The following HOMER2 variants were observed in gnomAD, a reference collection of about 807,000 sequenced individuals.
HOMER2 encodes homer protein homolog 2.
Under a neutral mutation model 47.0 loss-of-function variants are expected in HOMER2, and 27 were observed. That is an observed-to-expected ratio of 0.57 (90% CI 0.42 to 0.79). HOMER2 has a LOEUF of 0.79. Ranked by LOEUF, HOMER2 falls within the 30% of genes least tolerant of loss-of-function variation. HOMER2 has a pLI of 0.00. For synonymous variants in HOMER2, 161 were observed against 163.8 expected (o/e 0.98, Z 0.13); for missense variants, 443 against 435.0 (o/e 1.02, Z -0.16).
chr15:82,867,454 T>C (rs2052011289), intron 3 of HOMER2, among the ~76,000 whole-genome samples: 1 of 151,800 alleles, frequency 6.6e-6, no homozygotes, highest in Non-Finnish European at 1.5e-5. Flanking sequence ...AAAGGGCTAT[T>C]TTCTTTAGTA....
chr15:82,970,091 T>C (rs1387140726), intron 1 of HOMER2, among the ~76,000 whole-genome samples: 1 of 152,234 alleles, frequency 6.6e-6, no homozygotes, highest in East Asian at 1.9e-4. Flanking sequence ...AAAGGCTCCA[T>C]CCAGCTTATA....
At chr15:82,977,493 A>T (rs2030246197) in intron 1 of HOMER2, among the ~76,000 whole-genome samples, 1 of 152,232 alleles carries the variant, frequency 6.6e-6, no homozygotes, top group Admixed American at 6.5e-5. Context: ...AAACTTTTAG[A>T]TTACGTCACA....
At chr15:82,976,826 G>A (rs1417308746) in intron 1 of HOMER2, among the ~76,000 whole-genome samples, 4 of 151,408 alleles carry the variant, frequency 2.6e-5, no homozygotes, top group Non-Finnish European at 5.9e-5. Flanking sequence ...ACAGGCATGC[G>A]CCACCATGCC....
At chr15:82,930,561 A>G (rs1186055207) in intron 1 of HOMER2, among the ~76,000 whole-genome samples, 1 of 152,242 alleles carries the variant, frequency 6.6e-6, no homozygotes, top group Non-Finnish European at 1.5e-5. Context: ...CACCAAGTGT[A>G]CAGAGAAACC....
At chr15:82,836,510 T>C (rs4779069), downstream of HOMER2, among the ~76,000 whole-genome samples, 13,129 of 152,268 alleles carry the variant, frequency 0.086, 893 homozygotes, top group East Asian at 0.4. Context: ...CCCTGCACCC[T>C]TCATGTCCTG....
intron 1 of HOMER2, among the ~76,000 whole-genome samples, chr15:82,930,959 G>A (rs931430269): frequency 8.5e-5 from 13 of 152,136 alleles, no homozygotes; most frequent in Admixed American, 6.5e-4. Flanking sequence ...CCCGGGAGGC[G>A]GAGGTTGCAG....
intron 2 of HOMER2, among the ~76,000 whole-genome samples, chr15:82,890,669 G>T (rs17158188): frequency 0.013 from 2,036 of 152,288 alleles, 53 homozygotes; most frequent in African/African-American, 0.048. Context: ...ATTACTAAAA[G>T]CTCAGCTAAT....
At chr15:82,952,903 C>T (rs2054541065), upstream of HOMER2, among the ~76,000 whole-genome samples, 1 of 152,046 alleles carries the variant, frequency 6.6e-6, no homozygotes, top group South Asian at 2.1e-4. Context: ...CGCTTTTCTC[C>T]CGGGCCACCC....
At chr15:82,914,107 C>T (rs1306866900) in intron 1 of HOMER2, among the ~76,000 whole-genome samples, 1 of 150,824 alleles carries the variant, frequency 6.6e-6, no homozygotes, top group African/African-American at 2.4e-5. Flanking sequence ...GAGGCTGAGC[C>T]GGGCAGATCA....
intron 1 of HOMER2, among the ~76,000 whole-genome samples, chr15:82,906,168 G>T (rs761081242): frequency 6.6e-6 from 1 of 150,968 alleles, no homozygotes. Flanking sequence ...GTAAAAAAGC[G>T]TAAAAAAAGA....
intron 1 of HOMER2, among the ~76,000 whole-genome samples, chr15:82,933,994 C>T (rs1218658250): frequency 6.6e-6 from 1 of 152,164 alleles, no homozygotes; most frequent in Non-Finnish European, 1.5e-5. Context: ...GTCCTTCCCG[C>T]TCCCTATCCT....
In HOMER2 at chr15:82,854,916, C is replaced by A. The variant is rs73446921; in HGVS notation, c.495-116G>T. The A allele has an allele frequency of 1.1e-4, 133 of 1,221,416 alleles. No individual in the cohort carries two copies. The African/African-American group carries it at 1.3e-3, about 12-fold the overall frequency. 75.7% of individuals were successfully genotyped at this position (1,221,416 alleles called of 1,614,324 possible). ...CACACCCCTGGGGGGCCCACGCCCT[C>A]TCCCCACAGTAAGCTGGCAGGTGGG... On this transcript the variant is annotated intron_variant, in intron 5 of 8. Coordinates refer to ENST00000450735, the MANE Select transcript of HOMER2 (RefSeq NM_004839.4).
intron 2 of HOMER2, among the ~76,000 whole-genome samples, chr15:82,882,233 C>T (rs2052543316): frequency 9.0e-6 from 1 of 110,558 alleles, no homozygotes; most frequent in Admixed American, 9.7e-5. Context: ...TTGGGTCCCC[C>T]CTTGGCAGTG....
chr15:82,866,109 C>T (rs552910068), intron 3 of HOMER2, among the ~76,000 whole-genome samples: 9 of 152,268 alleles, frequency 5.9e-5, no homozygotes, highest in African/African-American at 7.2e-5. Context: ...CATTCAATGC[C>T]GGCCCGTGAA....
intron 1 of HOMER2, among the ~76,000 whole-genome samples, chr15:82,967,935 C>T (rs2151255588): frequency 6.6e-6 from 1 of 152,196 alleles, no homozygotes; most frequent in Non-Finnish European, 1.5e-5. Context: ...TATCTCACTG[C>T]ACAGGCAGGC....
chr15:82,864,729 G>T (rs1262573294), intron 3 of HOMER2, among the ~76,000 whole-genome samples: 1 of 152,144 alleles, frequency 6.6e-6, no homozygotes, highest in Admixed American at 6.5e-5. Context: ...TTAAATCTAG[G>T]TAATGTGTAT....
At chr15:82,854,600 C>T (rs1259791652) in intron 6 of HOMER2, 44 bp downstream of exon 6, 5 of 1,580,992 alleles carry the variant, frequency 3.2e-6, no homozygotes, top group East Asian at 2.3e-5. Context: ...CTCCCACTGC[C>T]CACACCAGCT....
At chr15:82,836,102 G>A (rs2051122818), downstream of HOMER2, 1 of 152,156 alleles carries the variant, frequency 6.6e-6, no homozygotes, top group African/African-American at 2.4e-5. Context: ...AAAAATTCCT[G>A]GCCCAATTGT....
intron 1 of HOMER2, among the ~76,000 whole-genome samples, chr15:82,902,976 G>A (rs994555326): frequency 2.0e-5 from 3 of 152,206 alleles, no homozygotes; most frequent in Non-Finnish European, 4.4e-5. Flanking sequence ...CTAAGAGTCT[G>A]TTATATTTTA....
Sources: allele counts gnomAD v4.1 joint callset (sites outside exome capture counted in the v4.1 genomes callset), GRCh38; gene constraint gnomAD v4.1.1; transcripts MANE v1.5; gene names NCBI Gene and HGNC (gene_info 2026-07-23, HGNC 2026-07-21).